Variants in OR56A1 observed in about 807,000 individuals in gnomAD.
The protein encoded by OR56A1 is olfactory receptor family 56 subfamily A member 1.
For synonymous variants in OR56A1, 174 were observed against 159.1 expected, an observed-to-expected ratio of 1.09 and a Z score of -0.70; for missense variants, 360 against 380.9, an observed-to-expected ratio of 0.94 and a Z score of 0.46.
Position 6,026,758 on chromosome 11 carries a change from C to G in OR56A1, c.935G>C (p.Arg312Thr), listed in dbSNP as rs1445045745. The change falls in exon 2 of 2, where the codon AGA (arginine) becomes ACA (threonine). Residue 312 changes from arginine (R) to threonine (T), a missense_variant. Transcript: ENST00000641900. ...AAATGCTTTACATATTCACCTCCCTCTCTGCAGTAACTTCTGAATTCCCTG... is the reference window on the plus strand; with the variant it reads ...AAATGCTTTACATATTCACCTCCCTGTCTGCAGTAACTTCTGAATTCCCTG... ...IKQGIQKLLQ[R>T]GR is the part of the protein sequence containing the mutation. The G allele has an allele frequency of 1.9e-6, 3 of 1,588,144 alleles. No homozygotes were observed. The highest frequency in any genetic ancestry group is 3.5e-5 in the Admixed American group (2 of 57,742).
chr11:6,034,077 A>G (rs1848536732), upstream of OR56A1, among the ~76,000 whole-genome samples: 1 of 152,156 alleles, frequency 6.6e-6, no homozygotes, highest in Non-Finnish European at 1.5e-5. Context: ...AAGAAAATCA[A>G]ACCCTCTTAT....
chr11:6,019,748 C>T lies in OR56A1; in HGVS notation c.*7000G>A, dbSNP rs1326724057. On this transcript the variant is annotated 3_prime_UTR_variant, in exon 2 of 2. Coordinates refer to ENST00000641900, the MANE Select transcript of OR56A1 (RefSeq NM_001388488.1). ...GCAACAGCATAACTAAGATACTAAA[C>T]CTGACTTCTAAACTTAAAATTCAAG... 1 of 152,088 alleles carries T rather than the reference C, an allele frequency of 6.6e-6. No individual in the cohort carries two copies. Among genetic ancestry groups the T allele is most frequent in the African/African-American group, 2.4e-5 (1 of 41,428 alleles). The allele number at this position is 152,088 out of a possible 1,614,324, so 9.4% of individuals were successfully genotyped here.
Position 6,026,429 on chromosome 11 carries a change from G to T in OR56A1, c.*319C>A. 4.0e-6 allele frequency: 1 copy of T among 249,310 alleles called. No individual in the cohort carries two copies. Among genetic ancestry groups the T allele is most frequent in the Non-Finnish European group, 7.7e-6 (1 of 129,078 alleles). 15.4% of individuals were successfully genotyped at this position (249,310 alleles called of 1,614,324 possible). A position where few individuals can be genotyped will look rare whatever the true frequency, so the allele number is the denominator to read the frequency against. The stretch of plus-strand genomic sequence containing the variant: ...TTGCTTCCCACATATGTGATCTTTG[G>T]TCATTTCCCTTCCTAAAAGCATCTC... On this transcript the variant is annotated 3_prime_UTR_variant, in exon 2 of 2. Transcript: ENST00000641900.
At chr11:6,028,869 A>G (rs1303720238) in intron 1 of OR56A1, among the ~76,000 whole-genome samples, 1 of 152,220 alleles carries the variant, frequency 6.6e-6, no homozygotes, top group Non-Finnish European at 1.5e-5. Flanking sequence ...ACAATAGCAA[A>G]GATATGGAAT....
chr11:6,031,585 T>G (rs961868325), upstream of OR56A1, among the ~76,000 whole-genome samples: 8 of 152,072 alleles, frequency 5.3e-5, no homozygotes, highest in African/African-American at 1.9e-4. Context: ...ACAGATTTGT[T>G]TTAAAGGAGA....
intron 1 of OR56A1, among the ~76,000 whole-genome samples, chr11:6,029,232 ACTATACAAT>A (rs1848489662): frequency 6.6e-6 from 1 of 152,202 alleles, no homozygotes; most frequent in African/African-American, 2.4e-5. Context: ...TGACTTAACT[ACTATACAAT>A]CTATGCATGG....
chr11:6,027,523 G>C lies in OR56A1; in HGVS notation c.170C>G (p.Ser57Cys), dbSNP rs769001208. ...TLLITIQLEA[S>C]LHQPLYYLLS... ...CAGGTAGTACAGGGGCTGGTGCAGA[G>C]AGGCCTCCAGCTGGATGGTGATCAG... Residue 57 changes from serine to cysteine, a missense_variant, in exon 2 of 2, where the codon TCT becomes TGT. Transcript: ENST00000641900. 2 of 1,613,936 alleles carry C rather than the reference G, an allele frequency of 1.2e-6. No homozygotes were observed. Among genetic ancestry groups the C allele is most frequent in the Non-Finnish European group, 1.7e-6 (2 of 1,180,020 alleles).
At chr11:6,027,795 T>A in intron 1 of OR56A1, 69 bp from the exon 2 acceptor site, 1 of 984,424 alleles carries the variant, frequency 1.0e-6, no homozygotes, top group Non-Finnish European at 1.5e-6. Context: ...TTTCACTTAC[T>A]CTTTAGGAAG....
chr11:6,027,154 C>T lies in OR56A1; in HGVS notation c.539G>A (p.Cys180Tyr), dbSNP rs770524124. The T allele has an allele frequency of 6.2e-7, 1 of 1,614,168 alleles. No homozygotes were observed. Among genetic ancestry groups the T allele is most frequent in the South Asian group, 1.1e-5 (1 of 91,074 alleles). Residue 180 changes from cysteine to tyrosine, a missense_variant, in exon 2 of 2, where the codon TGC (cysteine) becomes TAC (tyrosine). By Grantham distance (194) the Cys-to-Tyr change is radical. Coordinates refer to ENST00000641900, the MANE Select transcript of OR56A1 (RefSeq NM_001388488.1). ...HYCGENVIEN[C>Y]ICANLSVSRL... Reference sequence around the variant, plus strand: ...GGACACAGACAAGTTGGCACAGATGCAGTTCTCAATGACATTTTCCCCACA... The same window carrying T: ...GGACACAGACAAGTTGGCACAGATGTAGTTCTCAATGACATTTTCCCCACA...
rs1364437341 is a variant in OR56A1, at chr11:6,022,447, A to G, written c.*4301T>C. On this transcript the variant is annotated 3_prime_UTR_variant, in exon 2 of 2. Transcript: ENST00000641900. ...TAGGCCACTGTGCTATCATTGTTAC[A>G]GTAGCTAACTTTAATTGCATTGACT... The G allele has an allele frequency of 6.6e-6, 1 of 152,166 alleles. No homozygotes were observed. Among genetic ancestry groups the G allele is most frequent in the African/African-American group, 2.4e-5 (1 of 41,438 alleles). 9.4% of individuals were successfully genotyped at this position (152,166 alleles called of 1,614,324 possible).
In OR56A1 at chr11:6,025,832, T is replaced by G. The variant is rs1848441852; in HGVS notation, c.*916A>C. 1.3e-5 allele frequency: 2 copies of G among 152,268 alleles called. No individual in the cohort carries two copies. Among genetic ancestry groups the G allele is most frequent in the African/African-American group, 4.8e-5 (2 of 41,466 alleles). 9.4% of individuals were successfully genotyped at this position (152,268 alleles called of 1,614,324 possible). A position where few individuals can be genotyped will look rare whatever the true frequency, so the allele number is the denominator to read the frequency against. On this transcript the variant is annotated 3_prime_UTR_variant, in exon 2 of 2. Coordinates refer to ENST00000641900, the MANE Select transcript of OR56A1 (RefSeq NM_001388488.1). ...TTCATCATTGTCTCCAATACCCACT[T>G]AAACAATTGTTTACATTAAATTATC...
At position 6,024,587 on chromosome 11, in the gene OR56A1, A is replaced by G. The variant is rs889664696; in HGVS notation, c.*2161T>C. ...TTATATCCTATTAGATTCCTTTTTA[A>G]AAACTCACTTTTATGATCACGTATA... On this transcript the variant is annotated 3_prime_UTR_variant, in exon 2 of 2. Transcript: ENST00000641900. The G allele has an allele frequency of 1.3e-5, 2 of 152,214 alleles. No homozygotes were observed. The highest frequency in any genetic ancestry group is 4.8e-5 in the African/African-American group (2 of 41,462). 9.4% of individuals were successfully genotyped at this position (152,214 alleles called of 1,614,324 possible). A position where few individuals can be genotyped will look rare whatever the true frequency, so the allele number is the denominator to read the frequency against.
At position 6,021,276 on chromosome 11, in the gene OR56A1, T is replaced by C. The variant is rs1301059242; in HGVS notation, c.*5472A>G. The C allele has an allele frequency of 6.6e-6, 1 of 152,060 alleles. No individual in the cohort carries two copies. Among genetic ancestry groups the C allele is most frequent in the East Asian group, 1.9e-4 (1 of 5,194 alleles). 9.4% of individuals were successfully genotyped at this position (152,060 alleles called of 1,614,324 possible). ...AGTTTTTGCTTTAGAATTTAAAAAA[T>C]GTATTGATCCTACACAAATTACAAT... is the stretch of plus-strand genomic sequence containing the variant. On this transcript the variant is annotated 3_prime_UTR_variant, in exon 2 of 2. Coordinates refer to ENST00000641900, the MANE Select transcript of OR56A1 (RefSeq NM_001388488.1).
At position 6,027,370 on chromosome 11, in the gene OR56A1, T is replaced by C; in HGVS notation, c.323A>G (p.Asn108Ser). Residue 108 changes from asparagine to serine, a missense_variant, in exon 2 of 2, where the codon AAC becomes AGC. Coordinates refer to ENST00000641900, the MANE Select transcript of OR56A1 (RefSeq NM_001388488.1). Reference sequence around the variant, plus strand: ...GCAGGACTCCATGGGGAGGAAACTGTTCATGATGAACATCTGGAGGAAGCA... The same window carrying C: ...GCAGGACTCCATGGGGAGGAAACTGCTCATGATGAACATCTGGAGGAAGCA... Reference protein sequence around the residue: ...PACFLQMFIMNSFLPMESCTF... With the variant: ...PACFLQMFIMSSFLPMESCTF... 3 of 1,614,180 alleles carry C rather than the reference T, an allele frequency of 1.9e-6. No individual in the cohort carries two copies. The highest frequency in any genetic ancestry group is 2.5e-6 in the Non-Finnish European group (3 of 1,180,028).
At position 6,027,327 on chromosome 11, in the gene OR56A1, G is replaced by A; in HGVS notation, c.366C>T (p.Ala122=). The change falls in exon 2 of 2, where the codon GCC becomes GCT. Residue 122 remains alanine, a synonymous_variant. Transcript: ENST00000641900. Reference sequence around the variant, plus strand: ...GGCAGATGGCCACATAACGGTCATAGGCCATGACCATAAACGTGCAGGACT... The same window carrying A: ...GGCAGATGGCCACATAACGGTCATAAGCCATGACCATAAACGTGCAGGACT... The part of the protein sequence containing the change: ...PMESCTFMVM[A]YDRYVAICHP... 1 of 1,614,230 alleles carries A rather than the reference G, an allele frequency of 6.2e-7. No individual in the cohort carries two copies. Among genetic ancestry groups the A allele is most frequent in the Non-Finnish European group, 8.5e-7 (1 of 1,180,042 alleles).
Position 6,027,618 on chromosome 11 carries a change from A to G in OR56A1, c.75T>C (p.Ser25=), listed in dbSNP as rs768950427. ...FLLICFPNFQ[S]WQHWLSLPLS... ...GGGGCAGGGAGAGCCAGTGCTGCCA[A>G]CTCTGGAAGTTGGGGAAGCAGATGA... Residue 25 remains serine (S), a synonymous_variant, in exon 2 of 2, where the codon AGT becomes AGC. Transcript: ENST00000641900. The G allele has an allele frequency of 2.7e-5, 44 of 1,613,352 alleles. No homozygotes were observed. Among genetic ancestry groups the G allele is most frequent in the East Asian group, 4.5e-5 (2 of 44,880 alleles).
rs1848423504 is a variant in OR56A1 at position 6,024,114 on chromosome 11, T to A, written c.*2634A>T. Reference sequence around the variant, plus strand: ...GTTTAGGACTCTACTACTGGGGAACTAGAGATTAAAGATAGACATGATTTT... The same window carrying A: ...GTTTAGGACTCTACTACTGGGGAACAAGAGATTAAAGATAGACATGATTTT... On this transcript the variant is annotated 3_prime_UTR_variant, in exon 2 of 2. Transcript: ENST00000641900. 6.6e-6 allele frequency: 1 copy of A among 152,186 alleles called. No individual in the cohort carries two copies. The highest frequency in any genetic ancestry group is 2.4e-5 in the African/African-American group (1 of 41,428). 9.4% of individuals were successfully genotyped at this position (152,186 alleles called of 1,614,324 possible).
rs1421319389 is a variant in OR56A1, at chr11:6,022,093, G to T, written c.*4655C>A. On this transcript the variant is annotated 3_prime_UTR_variant, in exon 2 of 2. Transcript: ENST00000641900. ...GTGGTCTCCCTTGATAAGGAGGTAA[G>T]CCTATTGTCTATGTAGGAAAAAGAG... The T allele has an allele frequency of 2.0e-5, 3 of 152,132 alleles. No homozygotes were observed. Among genetic ancestry groups the T allele is most frequent in the Non-Finnish European group, 4.4e-5 (3 of 68,000 alleles). 9.4% of individuals were successfully genotyped at this position (152,132 alleles called of 1,614,324 possible). A position where few individuals can be genotyped will look rare whatever the true frequency, so the allele number is the denominator to read the frequency against.
intron 1 of OR56A1, among the ~76,000 whole-genome samples, chr11:6,029,996 G>A (rs1848497082): frequency 6.6e-6 from 1 of 152,158 alleles, no homozygotes; most frequent in African/African-American, 2.4e-5. Flanking sequence ...AGTGACTGGT[G>A]TAAATATTTG....
Sources: gnomAD v4.1 joint callset for allele counts (sites outside exome capture counted in the v4.1 genomes callset) on GRCh38, gnomAD v4.1.1 for gene constraint, MANE v1.5 for transcripts, NCBI Gene and HGNC (gene_info 2026-07-23, HGNC 2026-07-21) for gene names.